ZNF148: variants seen among roughly 807,000 people sequenced by gnomAD.
ZNF148 encodes zinc finger protein 148, also known as Beta-Enolase Repressor Factor-1.
A neutral mutation model predicts 67.7 loss-of-function variants in ZNF148; 7 were observed. That is an observed-to-expected ratio of 0.10 (90% CI 0.06 to 0.19). ZNF148 has a LOEUF of 0.19. Among genes scored for constraint, ZNF148 ranks in the 10% least tolerant of loss-of-function variants. The probability of loss-of-function intolerance (pLI) is 1.00; values close to 1 mark genes in which losing one functional copy is unlikely to be tolerated. For missense variants in ZNF148, 583 were observed against 947.1 expected, an observed-to-expected ratio of 0.62 and a Z score of 5.05; for synonymous variants, 333 against 330.7, an observed-to-expected ratio of 1.01 and a Z score of -0.08.
At chr3:125,334,173 T>G (rs768833341) in intron 1 of ZNF148, among the ~76,000 whole-genome samples, 1 of 152,230 alleles carries the variant, frequency 6.6e-6, no homozygotes. Context: ...CTATTTAGTT[T>G]TGATAGACTG....
At chr3:125,290,015 T>C (rs1024380582) in intron 4 of ZNF148, among the ~76,000 whole-genome samples, 2 of 152,174 alleles carry the variant, frequency 1.3e-5, no homozygotes, top group African/African-American at 4.8e-5. Context: ...GCTGTTCTTA[T>C]TACCAGTCCA....
chr3:125,348,467 C>CAAG (rs1942025855), intron 1 of ZNF148, among the ~76,000 whole-genome samples: 3 of 72,836 alleles, frequency 4.1e-5, no homozygotes, highest in African/African-American at 1.6e-4. Flanking sequence ...GGAAAAAAAG[C>CAAG]AAGACCCTGT....
rs777684232 is a variant in ZNF148, at chr3:125,313,441, C to T, written c.200G>A (p.Ser67Asn). 2 of 1,614,082 alleles carry T rather than the reference C, an allele frequency of 1.2e-6. No individual in the cohort carries two copies. The highest frequency in any genetic ancestry group is 1.7e-5 in the Admixed American group (1 of 60,006). ...TATCATATCCTGTTGTCTCATTTCA[C>T]TTTCTTGTAACACTTCATCTGCAGC... ...ILAADEVLQESEMRQQDMISH... is the reference protein window; with the variant it reads ...ILAADEVLQENEMRQQDMISH... The change falls in exon 4 of 9, where the codon AGT (serine) becomes AAT (asparagine). Residue 67 changes from serine to asparagine, a missense_variant. Around this residue, in one of 5 missense-constraint regions of ZNF148, gnomAD observed 150 missense variants for 202.5 expected, o/e 0.74. Transcript: ENST00000360647.
intron 1 of ZNF148, among the ~76,000 whole-genome samples, chr3:125,345,313 A>G (rs560634230): frequency 3.3e-5 from 5 of 152,224 alleles, no homozygotes; most frequent in Non-Finnish European, 7.3e-5. Flanking sequence ...CAGAAGTCTC[A>G]AAATTTTTAA....
intron 4 of ZNF148, among the ~76,000 whole-genome samples, chr3:125,298,448 T>G (rs1292503665): frequency 2.0e-5 from 3 of 151,578 alleles, no homozygotes; most frequent in Non-Finnish European, 2.9e-5. Context: ...TGTGATTAAA[T>G]AAATTATGGC....
At chr3:125,290,568 T>C (rs960122684) in intron 4 of ZNF148, among the ~76,000 whole-genome samples, 4 of 152,186 alleles carry the variant, frequency 2.6e-5, no homozygotes, top group Non-Finnish European at 5.9e-5. Flanking sequence ...TTGTTGGTAT[T>C]TCTTATAATA....
At chr3:125,326,841 CAGAT>C (rs1401015318) in intron 2 of ZNF148, among the ~76,000 whole-genome samples, 1 of 141,810 alleles carries the variant, frequency 7.1e-6, no homozygotes, top group African/African-American at 2.6e-5. Flanking sequence ...TATATGTATA[CAGAT>C]ATATATGTAT....
chr3:125,288,348 A>G (rs915084888), intron 4 of ZNF148, 120 bp from the exon 5 acceptor site: 2 of 1,037,704 alleles, frequency 1.9e-6, no homozygotes, highest in East Asian at 2.6e-5. Context: ...ATGATGATCT[A>G]TGTGTGTGTG....
Position 125,233,796 on chromosome 3 carries a change from G to C in ZNF148, c.930C>G (p.Asn310Lys). 6.2e-7 allele frequency: 1 copy of C among 1,613,750 alleles called. No homozygotes were observed. Among genetic ancestry groups the C allele is most frequent in the Non-Finnish European group, 8.5e-7 (1 of 1,179,860 alleles). Residue 310 changes from asparagine (N) to lysine (K), a missense_variant, in exon 9 of 9, where the codon AAC (asparagine) becomes AAG (lysine). Around this residue, in one of 5 missense-constraint regions of ZNF148, gnomAD observed 78 missense variants for 86.5 expected, o/e 0.90. Transcript: ENST00000360647. The surrounding 1 kb of genome is among the most constrained non-coding windows in gnomAD (Gnocchi z 5.1). Reference protein sequence around the residue: ...DSGFSTSPKDNSLPKKKRQKT... With the variant: ...DSGFSTSPKDKSLPKKKRQKT... ...TCTGCCTTTTCTTTTTTGGCAGTGA[G>C]TTGTCTTTTGGTGATGTAGAAAAGC...
At chr3:125,264,516 T>C (rs918089611) in intron 7 of ZNF148, among the ~76,000 whole-genome samples, 3 of 152,208 alleles carry the variant, frequency 2.0e-5, no homozygotes, top group East Asian at 3.8e-4. Flanking sequence ...AACTCATCAA[T>C]AGCCAAGGAA....
chr3:125,340,470 G>A (rs975088804), intron 1 of ZNF148, among the ~76,000 whole-genome samples: 19 of 152,280 alleles, frequency 1.2e-4, no homozygotes, highest in African/African-American at 4.6e-4. Context: ...CAGGACAGGC[G>A]AGAAAAGAAG....
At chr3:125,253,135 C>A (rs1936918387) in intron 7 of ZNF148, among the ~76,000 whole-genome samples, 1 of 152,148 alleles carries the variant, frequency 6.6e-6, no homozygotes, top group Non-Finnish European at 1.5e-5. Flanking sequence ...GTCTCATAAT[C>A]AATGAATACA....
At chr3:125,329,311 A>T (rs1021397084) in intron 2 of ZNF148, among the ~76,000 whole-genome samples, 3 of 146,702 alleles carry the variant, frequency 2.0e-5, no homozygotes, top group Non-Finnish European at 4.5e-5. Flanking sequence ...TTCATACTAC[A>T]GATATATATA....
At chr3:125,299,429 C>G (rs536529391) in intron 4 of ZNF148, among the ~76,000 whole-genome samples, 1 of 152,184 alleles carries the variant, frequency 6.6e-6, no homozygotes, top group African/African-American at 2.4e-5. Context: ...CTTTGAGAGG[C>G]TGAGGCAAAA....
At chr3:125,261,825 G>GTT (rs1553809856) in intron 7 of ZNF148, among the ~76,000 whole-genome samples, 6 of 138,958 alleles carry the variant, frequency 4.3e-5, no homozygotes, top group South Asian at 2.3e-4. Flanking sequence ...GGGTTGACAA[G>GTT]TTTTTTTTTT....
chr3:125,298,346 T>TACACACACAC (rs141809192), intron 4 of ZNF148, among the ~76,000 whole-genome samples: 16,732 of 145,678 alleles, frequency 0.11, 1,118 homozygotes, highest in African/African-American at 0.16. Context: ...TAAATGTGCA[T>TACACACACAC]ACACACACAC....
chr3:125,283,902 A>G (rs557415525), intron 5 of ZNF148, among the ~76,000 whole-genome samples: 2 of 152,162 alleles, frequency 1.3e-5, no homozygotes, highest in African/African-American at 2.4e-5. Context: ...GCTCTTCCTC[A>G]GTTCAGCATA....
At chr3:125,279,748 TAA>T (rs397716651) in intron 5 of ZNF148, among the ~76,000 whole-genome samples, 2 of 147,738 alleles carry the variant, frequency 1.4e-5, no homozygotes. Context: ...TTTGTTAAGT[TAA>T]AAAAAAAAAA....
chr3:125,264,185 T>A (rs1937470115), intron 7 of ZNF148, among the ~76,000 whole-genome samples: 1 of 152,338 alleles, frequency 6.6e-6, no homozygotes, highest in African/African-American at 2.4e-5. Context: ...GTAAAGCACT[T>A]TCCTGGGTTC....
Sources: allele counts gnomAD v4.1 joint callset (sites outside exome capture counted in the v4.1 genomes callset), GRCh38; gene constraint gnomAD v4.1.1; regional missense constraint gnomAD v4.1.1; non-coding constraint Gnocchi (gnomAD v3.1); transcripts MANE v1.5; gene names NCBI Gene and HGNC (gene_info 2026-07-23, HGNC 2026-07-21).